The following LDLRAD3 variants were observed in gnomAD, a reference collection of about 807,000 sequenced individuals.
The protein encoded by LDLRAD3 is low-density lipoprotein receptor class A domain-containing protein 3.
In LDLRAD3, 20 loss-of-function variants were observed where a neutral mutation model predicts 29.4. That is an observed-to-expected ratio of 0.68 (90% CI 0.48 to 0.99). The LOEUF (loss-of-function observed/expected upper bound fraction) is 0.99. LDLRAD3 is among the 50% of genes least tolerant of loss of function. The pLI is 0.00. For synonymous variants in LDLRAD3, 157 were observed against 192.7 expected (o/e 0.81, Z 1.53); for missense variants, 420 against 454.3 (o/e 0.92, Z 0.69).
intron 4 of LDLRAD3, among the ~76,000 whole-genome samples, chr11:36,173,507 G>T (rs1854628058): frequency 6.6e-6 from 1 of 151,894 alleles, no homozygotes; most frequent in East Asian, 1.9e-4. Flanking sequence ...CCCTACAAAG[G>T]ACATGAACTC....
chr11:36,226,175 A>G (rs2133393358), intron 4 of LDLRAD3, among the ~76,000 whole-genome samples: 1 of 152,312 alleles, frequency 6.6e-6, no homozygotes, highest in African/African-American at 2.4e-5. Flanking sequence ...CCTGATGAGT[A>G]TTGACTCATT....
chr11:36,201,735 G>GTTGTA (rs1363840684), intron 4 of LDLRAD3, among the ~76,000 whole-genome samples: 1 of 152,254 alleles, frequency 6.6e-6, no homozygotes, highest in Non-Finnish European at 1.5e-5. Context: ...CTTGTGTTGT[G>GTTGTA]TTGTAGTCTC....
chr11:35,958,243 A>G (rs529345879), intron 1 of LDLRAD3, among the ~76,000 whole-genome samples: 4 of 152,366 alleles, frequency 2.6e-5, no homozygotes, highest in African/African-American at 4.8e-5. Flanking sequence ...CAGATGCTCA[A>G]TAGTCCCATG....
At chr11:36,212,766 G>T (rs1175454885) in intron 4 of LDLRAD3, among the ~76,000 whole-genome samples, 1 of 152,124 alleles carries the variant, frequency 6.6e-6, no homozygotes, top group African/African-American at 2.4e-5. Flanking sequence ...CTCTGGGACT[G>T]CTGGGGGCTT....
At chr11:35,979,973 T>C (rs896041536) in intron 1 of LDLRAD3, among the ~76,000 whole-genome samples, 1 of 152,244 alleles carries the variant, frequency 6.6e-6, no homozygotes, top group Non-Finnish European at 1.5e-5. Flanking sequence ...GCTAGAAATA[T>C]CTAAACCGGC....
chr11:36,024,343 T>TATCTAC (rs1202826320), intron 1 of LDLRAD3, among the ~76,000 whole-genome samples: 1 of 151,910 alleles, frequency 6.6e-6, no homozygotes, highest in Non-Finnish European at 1.5e-5. Flanking sequence ...GCTATATCCA[T>TATCTAC]ATCTATATCT....
intron 4 of LDLRAD3, among the ~76,000 whole-genome samples, chr11:36,156,440 A>G (rs1854352349): frequency 6.6e-6 from 1 of 152,258 alleles, no homozygotes; most frequent in African/African-American, 2.4e-5. Flanking sequence ...CACTTGGATC[A>G]GGTCCACCCA....
At chr11:36,208,688 TAATA>T (rs2133379832) in intron 4 of LDLRAD3, among the ~76,000 whole-genome samples, 2 of 152,286 alleles carry the variant, frequency 1.3e-5, no homozygotes, top group African/African-American at 4.8e-5. Context: ...AATAAATAAT[TAATA>T]AATAAATTGG....
chr11:36,012,167 G>A lies in LDLRAD3; in HGVS notation c.47-23936G>A, dbSNP rs118091736. On this transcript the variant is annotated intron_variant, in intron 1 of 5. Transcript: ENST00000315571. ...AGACCCCCAGTGGATGCCTGAAACC[G>A]AATATAGTACCAAATTGCTGTCAAC... Among the ~76,000 whole-genome samples, 604 of 152,228 alleles carry A rather than the reference G, an allele frequency of 4.0e-3. 5 individuals carry two copies. Among genetic ancestry groups the A allele is most frequent in the Middle Eastern group, 0.01 (3 of 294 alleles).
chr11:36,081,562 G>C, intron 2 of LDLRAD3, 91 bp from the exon 3 acceptor site: 1 of 1,509,442 alleles, frequency 6.6e-7, no homozygotes, highest in Non-Finnish European at 9.1e-7. Flanking sequence ...ATCTTAAGTG[G>C]ACTCATTTTC....
chr11:36,181,230 TAAAA>T (rs5791085), intron 4 of LDLRAD3, among the ~76,000 whole-genome samples: 3 of 146,834 alleles, frequency 2.0e-5, no homozygotes, highest in Non-Finnish European at 3.0e-5. Context: ...CTACACATGG[TAAAA>T]AAAAAAAAAA....
intron 4 of LDLRAD3, among the ~76,000 whole-genome samples, chr11:36,185,881 C>G (rs1854840679): frequency 6.6e-6 from 1 of 152,206 alleles, no homozygotes; most frequent in Non-Finnish European, 1.5e-5. Context: ...CTAGACAGAG[C>G]TAAGAGACGC....
intron 1 of LDLRAD3, among the ~76,000 whole-genome samples, chr11:35,955,102 G>A (rs778356433): frequency 1.1e-4 from 16 of 151,970 alleles, no homozygotes; most frequent in East Asian, 3.9e-4. Context: ...AAAATTAGCC[G>A]GGCATGGTGG....
At chr11:36,147,275 A>G (rs1854211480) in intron 4 of LDLRAD3, among the ~76,000 whole-genome samples, 1 of 149,512 alleles carries the variant, frequency 6.7e-6, no homozygotes, top group African/African-American at 2.5e-5. Context: ...CCACCACCAC[A>G]CCCAGCTAAT....
In LDLRAD3 at chr11:36,213,813, A is replaced by G. The variant is rs10836520; in HGVS notation, c.455-13272A>G. ...AGGCTCTGTGCCCCTGTGAATCCCA[A>G]CTGTTCTCCCTGCCTCCCTCTCAGC... On this transcript the variant is annotated intron_variant, in intron 4 of 5. Coordinates refer to ENST00000315571, the MANE Select transcript of LDLRAD3 (RefSeq NM_174902.4). The surrounding 1 kb of genome is among the most constrained non-coding windows in gnomAD (Gnocchi z 4.1). 0.33 allele frequency among the ~76,000 whole-genome samples: 49,501 copies of G among 151,714 alleles called. 9,090 individuals are homozygous for G. The highest frequency in any genetic ancestry group is 0.44 in the East Asian group (2,254 of 5,146).
chr11:36,177,572 T>G (rs1457489458), intron 4 of LDLRAD3, among the ~76,000 whole-genome samples: 11 of 152,162 alleles, frequency 7.2e-5, no homozygotes, highest in Non-Finnish European at 1.6e-4. Context: ...CCAGACTGCA[T>G]GATTGTTATT....
rs1342584717 is a variant in LDLRAD3 at position 36,145,018 on chromosome 11, G to A, written c.454+46557G>A. 5.2e-5 allele frequency among the ~76,000 whole-genome samples: 6 copies of A among 116,072 alleles called. 1 individual carries two copies. The highest frequency in any genetic ancestry group is 1.3e-4 in the African/African-American group (4 of 31,214). The allele number at this position is 116,072 out of a possible 152,430, so 76.1% of individuals were successfully genotyped here. ...CCCCGCCCTGCCAGCCGCCCCGTCC[G>A]GGAGGTGAGGGGCGCCTCTGCCCGG... On this transcript the variant is annotated intron_variant, in intron 4 of 5. Coordinates refer to ENST00000315571, the MANE Select transcript of LDLRAD3 (RefSeq NM_174902.4).
chr11:36,000,769 C>T (rs1851813646), intron 1 of LDLRAD3, among the ~76,000 whole-genome samples: 1 of 152,020 alleles, frequency 6.6e-6, no homozygotes, highest in South Asian at 2.1e-4. Context: ...GAGATGGTGA[C>T]ATGACCCATC....
At chr11:36,146,421 G>A (rs10768193) in intron 4 of LDLRAD3, among the ~76,000 whole-genome samples, 95,188 of 152,000 alleles carry the variant, frequency 0.63, 30,398 homozygotes, top group African/African-American at 0.74. Context: ...ATATAATTGA[G>A]ATTATCCTGT....
Sources: gnomAD v4.1 joint callset for allele counts (sites outside exome capture counted in the v4.1 genomes callset) on GRCh38, gnomAD v4.1.1 for gene constraint, Gnocchi (gnomAD v3.1) non-coding constraint, MANE v1.5 for transcripts, NCBI Gene and HGNC (gene_info 2026-07-23, HGNC 2026-07-21) for gene names.